SLC35F1: variants seen among roughly 807,000 people sequenced by gnomAD.
SLC35F1 encodes the protein solute carrier family 35 member F1, also known as chromosome 6 open reading frame 169.
SLC35F1 carries 14 observed loss-of-function variants against 48.7 expected under a neutral mutation model. The observed-to-expected ratio is 0.29, with a 90% CI of 0.19 to 0.45. The LOEUF is 0.45. Ranked by LOEUF, SLC35F1 falls within the 20% of genes least tolerant of loss-of-function variation. SLC35F1 has a pLI of 1.00. For synonymous variants in SLC35F1, 190 were observed against 202.2 expected (o/e 0.94, Z 0.51); for missense variants, 404 against 500.0 (o/e 0.81, Z 1.83).
At chr6:118,228,954 C>T (rs776484330) in intron 2 of SLC35F1, among the ~76,000 whole-genome samples, 6 of 151,084 alleles carry the variant, frequency 4.0e-5, no homozygotes, top group Non-Finnish European at 7.4e-5. Context: ...AGCTTCTTGT[C>T]CCCTCAGCTG....
chr6:117,977,368 T>A (rs1776719275), intron 1 of SLC35F1, among the ~76,000 whole-genome samples: 1 of 152,102 alleles, frequency 6.6e-6, no homozygotes, highest in Admixed American at 6.5e-5. Context: ...AAAGGTTTTT[T>A]AAAACCAATT....
chr6:118,313,606 T>C (rs1776396106), intron 7 of SLC35F1, among the ~76,000 whole-genome samples: 1 of 152,188 alleles, frequency 6.6e-6, no homozygotes, highest in Non-Finnish European at 1.5e-5. Context: ...CAGTGAGCGG[T>C]TCATTGTTTA....
intron 7 of SLC35F1, among the ~76,000 whole-genome samples, chr6:118,301,487 G>A (rs552430303): frequency 6.6e-6 from 1 of 152,144 alleles, no homozygotes; most frequent in Non-Finnish European, 1.5e-5. Flanking sequence ...AGTGTTAAGG[G>A]GGGGTATGAA....
chr6:118,263,460 A>G (rs1775736821), intron 3 of SLC35F1, among the ~76,000 whole-genome samples: 1 of 152,248 alleles, frequency 6.6e-6, no homozygotes, highest in Non-Finnish European at 1.5e-5. Flanking sequence ...TTAGGGGGAA[A>G]AAAGGAATCT....
chr6:117,970,433 C>G (rs9387529), intron 1 of SLC35F1, among the ~76,000 whole-genome samples: 60,495 of 152,010 alleles, frequency 0.4, 12,510 homozygotes, highest in South Asian at 0.53. Flanking sequence ...TTGAATTTCT[C>G]TATCTACTTT....
intron 1 of SLC35F1, among the ~76,000 whole-genome samples, chr6:118,079,627 G>A (rs1392649752): frequency 1.3e-5 from 2 of 152,162 alleles, no homozygotes; most frequent in East Asian, 3.9e-4. Flanking sequence ...ACTGAAGTGG[G>A]CAGGATGCTT....
At chr6:118,124,462 G>A (rs1773595422) in intron 1 of SLC35F1, among the ~76,000 whole-genome samples, 1 of 152,036 alleles carries the variant, frequency 6.6e-6, no homozygotes, top group Non-Finnish European at 1.5e-5. Flanking sequence ...CTATGTATTG[G>A]AACCTTTATA....
At chr6:118,079,003 T>C (rs998991293) in intron 1 of SLC35F1, among the ~76,000 whole-genome samples, 2 of 152,198 alleles carry the variant, frequency 1.3e-5, no homozygotes, top group South Asian at 4.1e-4. Context: ...CCACTAGGGG[T>C]CCACTTAAAA....
At chr6:118,268,951 C>T (rs1373154824) in intron 4 of SLC35F1, among the ~76,000 whole-genome samples, 1 of 152,188 alleles carries the variant, frequency 6.6e-6, no homozygotes, top group East Asian at 1.9e-4. Flanking sequence ...TTTCCGCACA[C>T]TGTGTAAACA....
intron 2 of SLC35F1, among the ~76,000 whole-genome samples, chr6:118,217,072 T>C (rs1047427905): frequency 6.6e-6 from 1 of 152,208 alleles, no homozygotes; most frequent in African/African-American, 2.4e-5. Flanking sequence ...GCTTCATTTA[T>C]CATTTGACTT....
intron 2 of SLC35F1, among the ~76,000 whole-genome samples, chr6:118,177,979 G>A (rs1774517403): frequency 6.6e-6 from 1 of 152,012 alleles, no homozygotes; most frequent in African/African-American, 2.4e-5. Flanking sequence ...GTAGTACTGA[G>A]GTGAGGTAGG....
Position 118,182,559 on chromosome 6 carries a change from G to GGAAGGAAGGAAGGAAT in SLC35F1, c.349+27943_349+27944insGAAGGAAGGAATGAAG, listed in dbSNP as rs1172619426. Among the ~76,000 whole-genome samples the GGAAGGAAGGAAGGAAT allele has an allele frequency of 2.0e-5, 3 of 149,146 alleles. No homozygotes were observed. In the Admixed American group the frequency reaches 2.0e-4, roughly 10 times the overall value. On this transcript the variant is annotated intron_variant, in intron 2 of 7. Coordinates refer to ENST00000360388, the MANE Select transcript of SLC35F1 (RefSeq NM_001029858.4). ...AGGAAGGAAGGAAGGAAGGAAGGAA[G>GGAAGGAAGGAAGGAAT]GAAGAAAAAAAGAAAGGCAATTTAG...
intron 1 of SLC35F1, among the ~76,000 whole-genome samples, chr6:118,125,105 G>C (rs566367098): frequency 1.3e-5 from 2 of 152,252 alleles, no homozygotes; most frequent in African/African-American, 4.8e-5. Context: ...AAAATATGCC[G>C]TGCTTGCAGG....
intron 1 of SLC35F1, among the ~76,000 whole-genome samples, chr6:118,097,322 A>G (rs1773191550): frequency 6.6e-6 from 1 of 152,212 alleles, no homozygotes; most frequent in Admixed American, 6.6e-5. Flanking sequence ...GAGTGAATGA[A>G]TGAATGAATG....
intron 1 of SLC35F1, among the ~76,000 whole-genome samples, chr6:118,013,009 C>G (rs1057205417): frequency 1.3e-5 from 2 of 152,042 alleles, no homozygotes; most frequent in Non-Finnish European, 2.9e-5. Context: ...CTTATTCCCC[C>G]CTACCCCCAC....
chr6:117,942,070 T>C (rs1776239995), intron 1 of SLC35F1, among the ~76,000 whole-genome samples: 1 of 152,230 alleles, frequency 6.6e-6, no homozygotes, highest in Non-Finnish European at 1.5e-5. Flanking sequence ...ATGTATTTTA[T>C]CAAAATTATC....
At chr6:118,151,883 A>G (rs772101410) in intron 1 of SLC35F1, among the ~76,000 whole-genome samples, 38 of 151,598 alleles carry the variant, frequency 2.5e-4, no homozygotes, top group Non-Finnish European at 4.9e-4. Flanking sequence ...TCTTTTTTTT[A>G]TTAATCACCC....
intron 2 of SLC35F1, among the ~76,000 whole-genome samples, chr6:118,159,442 A>G (rs575713957): frequency 6.6e-6 from 1 of 152,274 alleles, no homozygotes; most frequent in Non-Finnish European, 1.5e-5. Flanking sequence ...ACTGAAATAA[A>G]GCCTGAAATC....
intron 1 of SLC35F1, among the ~76,000 whole-genome samples, chr6:118,055,109 G>A (rs939242826): frequency 2.0e-5 from 3 of 152,126 alleles, no homozygotes; most frequent in Non-Finnish European, 4.4e-5. Context: ...GAATGTATCC[G>A]AGTATTGAAA....
Sources: gnomAD v4.1 joint callset for allele counts (sites outside exome capture counted in the v4.1 genomes callset) on GRCh38, gnomAD v4.1.1 for gene constraint, MANE v1.5 for transcripts, NCBI Gene and HGNC (gene_info 2026-07-23, HGNC 2026-07-21) for gene names.